The following PLEKHG1 variants were observed in gnomAD, a reference collection of about 807,000 sequenced individuals.
PLEKHG1 encodes pleckstrin homology domain-containing family G member 1.
Under a neutral mutation model 100.8 loss-of-function variants are expected in PLEKHG1, and 44 were observed. The observed-to-expected ratio is 0.44, with a 90% CI of 0.34 to 0.56. The LOEUF (loss-of-function observed/expected upper bound fraction) is 0.56, where lower values mean the gene tolerates loss of function less well. Ranked by LOEUF, PLEKHG1 falls within the 20% of genes least tolerant of loss-of-function variation. PLEKHG1 has a pLI of 0.01. For missense variants in PLEKHG1, 1,545 were observed against 1,720.9 expected, an observed-to-expected ratio of 0.90 and a Z score of 1.81; for synonymous variants, 640 against 662.5, an observed-to-expected ratio of 0.97 and a Z score of 0.52.
At chr6:150,786,679 T>G (rs1279708790) in intron 4 of PLEKHG1, among the ~76,000 whole-genome samples, 1 of 152,160 alleles carries the variant, frequency 6.6e-6, no homozygotes, top group Admixed American at 6.6e-5. Flanking sequence ...TGAATAATGT[T>G]ACTCTTTGCT....
At chr6:150,800,625 C>T (rs1786635555) in intron 5 of PLEKHG1, 94 bp from the exon 7 acceptor site, 1 of 1,176,072 alleles carries the variant, frequency 8.5e-7, no homozygotes, top group African/African-American at 1.5e-5. Flanking sequence ...CTACCCTACT[C>T]ATTTTAGGGC....
intron 3 of PLEKHG1, among the ~76,000 whole-genome samples, chr6:150,696,787 C>G (rs971983313): frequency 6.6e-6 from 1 of 151,858 alleles, no homozygotes; most frequent in Non-Finnish European, 1.5e-5. Flanking sequence ...GACTGAATCC[C>G]CTGGTGGTGG....
intron 3 of PLEKHG1, among the ~76,000 whole-genome samples, chr6:150,688,043 C>A (rs575749969): frequency 6.6e-6 from 1 of 152,148 alleles, no homozygotes; most frequent in East Asian, 1.9e-4. Context: ...GTAAATTTGT[C>A]ATTTAACCAG....
intron 2 of PLEKHG1, among the ~76,000 whole-genome samples, chr6:150,641,876 CAAAAAAAAAA>C (rs71554473): frequency 3.9e-5 from 3 of 76,798 alleles, no homozygotes; most frequent in East Asian, 8.8e-4. Context: ...TGTGAAAAGG[CAAAAAAAAAA>C]AAAAAAAAAA....
At chr6:150,729,163 C>T (rs1387752403) in intron 1 of PLEKHG1, among the ~76,000 whole-genome samples, 20 of 152,176 alleles carry the variant, frequency 1.3e-4, no homozygotes, top group Admixed American at 1.3e-3. Flanking sequence ...ACAATCATGG[C>T]TTACCACAGC....
intron 2 of PLEKHG1, among the ~76,000 whole-genome samples, chr6:150,647,952 A>G (rs1467343067): frequency 6.6e-6 from 1 of 152,126 alleles, no homozygotes; most frequent in Non-Finnish European, 1.5e-5. Flanking sequence ...CTCATATTGA[A>G]TTTCCTGACT....
At chr6:150,792,136 T>G (rs1161804124) in intron 4 of PLEKHG1, among the ~76,000 whole-genome samples, 5 of 151,998 alleles carry the variant, frequency 3.3e-5, no homozygotes, top group Non-Finnish European at 5.9e-5. Context: ...TTGTATTTTA[T>G]CCTTTAAAAA....
At chr6:150,664,722 G>C (rs1027317619) in intron 3 of PLEKHG1, among the ~76,000 whole-genome samples, 6 of 152,130 alleles carry the variant, frequency 3.9e-5, no homozygotes, top group Non-Finnish European at 2.9e-5. Context: ...TGGCAGTTCA[G>C]CTGACACCGC....
At chr6:150,620,224 G>A (rs1389207278) in intron 1 of PLEKHG1, among the ~76,000 whole-genome samples, 1 of 152,098 alleles carries the variant, frequency 6.6e-6, no homozygotes, top group African/African-American at 2.4e-5. Flanking sequence ...CAACAATTTC[G>A]GTTTGATTGT....
intron 7 of PLEKHG1, among the ~76,000 whole-genome samples, chr6:150,807,883 C>G (rs189999485): frequency 6.6e-6 from 1 of 152,048 alleles, no homozygotes; most frequent in Non-Finnish European, 1.5e-5. Flanking sequence ...GCAGGAGAAT[C>G]GCTTGAACCC....
At chr6:150,641,628 A>C (rs1210396556) in intron 2 of PLEKHG1, among the ~76,000 whole-genome samples, 1 of 152,158 alleles carries the variant, frequency 6.6e-6, no homozygotes, top group Non-Finnish European at 1.5e-5. Flanking sequence ...ATTTCCAGGA[A>C]GTGCTGGTGG....
At chr6:150,837,291 C>G (rs1777281904) in intron 15 of PLEKHG1, among the ~76,000 whole-genome samples, 1 of 152,192 alleles carries the variant, frequency 6.6e-6, no homozygotes, top group African/African-American at 2.4e-5. Flanking sequence ...CTATGTAAGA[C>G]TTCAGAGAAG....
intron 1 of PLEKHG1, among the ~76,000 whole-genome samples, chr6:150,630,435 C>T (rs1777699611): frequency 7.2e-5 from 11 of 152,044 alleles, no homozygotes. Flanking sequence ...GAGAGTGCAG[C>T]CCACAGGGTT....
intron 3 of PLEKHG1, among the ~76,000 whole-genome samples, chr6:150,770,691 C>T (rs1784676683): frequency 6.6e-6 from 1 of 152,198 alleles, no homozygotes; most frequent in South Asian, 2.1e-4. Flanking sequence ...CCAGAGTCTA[C>T]ATGTTCATTA....
upstream of PLEKHG1, among the ~76,000 whole-genome samples, chr6:150,718,428 C>A (rs1398844495): frequency 6.6e-6 from 1 of 151,642 alleles, no homozygotes; most frequent in African/African-American, 2.4e-5. Context: ...GTGAAAGAAC[C>A]TGGACCATTG....
chr6:150,785,849 C>T (rs1309329271), intron 3 of PLEKHG1, among the ~76,000 whole-genome samples: 1 of 152,094 alleles, frequency 6.6e-6, no homozygotes, highest in East Asian at 1.9e-4. Context: ...AGCACACACC[C>T]TATTGTGAAC....
Position 150,814,064 on chromosome 6 carries a change from A to C in PLEKHG1, c.1279-4119A>C, listed in dbSNP as rs147725871. 3.5e-4 allele frequency among the ~76,000 whole-genome samples: 53 copies of C among 152,310 alleles called. No individual in the cohort carries two copies. The East Asian group carries it at 9.4e-3, about 27-fold the overall frequency. On this transcript the variant is annotated intron_variant, in intron 10 of 15. Transcript: ENST00000358517. ...GCAATGATTTGGTCCTCAGGAAATG[A>C]ATGTGCATAGGTGTGGACTTGGACC...
At chr6:150,773,244 C>T (rs1784793098) in intron 3 of PLEKHG1, among the ~76,000 whole-genome samples, 1 of 152,102 alleles carries the variant, frequency 6.6e-6, no homozygotes, top group African/African-American at 2.4e-5. Flanking sequence ...TTGAAAAGTA[C>T]TTCTCTCGGC....
intron 11 of PLEKHG1, among the ~76,000 whole-genome samples, chr6:150,818,733 C>T (rs1776129092): frequency 6.6e-6 from 1 of 152,152 alleles, no homozygotes; most frequent in African/African-American, 2.4e-5. Context: ...TAAATAAGAC[C>T]TTATTCAACA....
Sources: gnomAD v4.1 joint callset for allele counts (sites outside exome capture counted in the v4.1 genomes callset) on GRCh38, gnomAD v4.1.1 for gene constraint, MANE v1.5 for transcripts, NCBI Gene and HGNC (gene_info 2026-07-23, HGNC 2026-07-21) for gene names.